The following NEK7 variants were observed in gnomAD, a reference collection of about 807,000 sequenced individuals.
The protein encoded by NEK7 is NIMA related kinase 7.
In NEK7, 18 loss-of-function variants were observed where a neutral mutation model predicts 44.6. The ratio of observed to expected loss-of-function variants is 0.40; its 90% CI spans 0.28 to 0.60. NEK7 has a LOEUF of 0.60. Among genes scored for constraint, NEK7 ranks in the 20% least tolerant of loss-of-function variants. The pLI, the probability that NEK7 is intolerant of heterozygous loss-of-function variation, is 0.38. For synonymous variants in NEK7, 130 were observed against 121.1 expected, an observed-to-expected ratio of 1.07 and a Z score of -0.48; for missense variants, 256 against 366.5, an observed-to-expected ratio of 0.70 and a Z score of 2.46.
intron 1 of NEK7, among the ~76,000 whole-genome samples, chr1:198,191,434 C>T (rs139913250): frequency 2.5e-3 from 380 of 151,884 alleles, no homozygotes; most frequent in Non-Finnish European, 4.4e-3. Context: ...TTCATATGCT[C>T]TTCTACAAAT....
intron 2 of NEK7, among the ~76,000 whole-genome samples, chr1:198,251,838 A>G (rs1260377082): frequency 6.6e-6 from 1 of 152,022 alleles, no homozygotes; most frequent in Non-Finnish European, 1.5e-5. Flanking sequence ...TCCTGGATTC[A>G]TTAATTTTTT....
chr1:198,278,091 CT>C (rs1558091442), intron 6 of NEK7, 22 bp downstream of exon 6: 1 of 1,235,906 alleles, frequency 8.1e-7, no homozygotes, highest in South Asian at 1.2e-5. Context: ...TCATTAAGTA[CT>C]TTTAATCTTG....
In NEK7 at chr1:198,198,722, T is replaced by C. The variant is rs746059975; in HGVS notation, c.-28-33831T>C. Among the ~76,000 whole-genome samples the C allele has an allele frequency of 2.0e-5, 3 of 152,240 alleles. 1 individual carries two copies. Among genetic ancestry groups the C allele is most frequent in the Admixed American group, 6.5e-5 (1 of 15,286 alleles). ...TGAGGAAGATGAGAATCTCTTTCCGTTCTCCACAGAGGCTTTTTAACCTTT... is the reference window on the plus strand; with the variant it reads ...TGAGGAAGATGAGAATCTCTTTCCGCTCTCCACAGAGGCTTTTTAACCTTT... On this transcript the variant is annotated intron_variant, in intron 1 of 9. Transcript: ENST00000367385.
chr1:198,157,809 A>C (rs1663960885), intron 1 of NEK7, among the ~76,000 whole-genome samples: 1 of 152,162 alleles, frequency 6.6e-6, no homozygotes, highest in Non-Finnish European at 1.5e-5. Flanking sequence ...GGAGCGTGAG[A>C]GGTCTGTCGG....
At chr1:198,310,804 GT>G (rs1338935368) in intron 9 of NEK7, among the ~76,000 whole-genome samples, 2 of 152,140 alleles carry the variant, frequency 1.3e-5, no homozygotes, top group African/African-American at 4.8e-5. Context: ...CTATATCTCT[GT>G]TTTGGACCAC....
rs746820645 is a variant in NEK7 at position 198,321,778 on chromosome 1, T to G, written c.*2256T>G. ...TAATTTCAAAGAACTATGAAGATGA[T>G]TTGAAGCTCTAATTTATATAGTCAC... is the stretch of plus-strand genomic sequence containing the variant. On this transcript the variant is annotated 3_prime_UTR_variant, in exon 10 of 10. Transcript: ENST00000367385. 1 of 152,176 alleles carries G rather than the reference T, an allele frequency of 6.6e-6. No homozygotes were observed. Among genetic ancestry groups the G allele is most frequent in the East Asian group, 1.9e-4 (1 of 5,198 alleles). The allele number at this position is 152,176 out of a possible 1,614,324, so 9.4% of individuals were successfully genotyped here.
chr1:198,188,237 AAC>A (rs1215201080), intron 1 of NEK7, among the ~76,000 whole-genome samples: 1 of 152,186 alleles, frequency 6.6e-6, no homozygotes, highest in Non-Finnish European at 1.5e-5. Flanking sequence ...TGCAAGGGGT[AAC>A]ACAGTTTTAG....
In NEK7 at chr1:198,250,915, A is replaced by G. The variant is rs554861666; in HGVS notation, c.58-2125A>G. On this transcript the variant is annotated intron_variant, in intron 2 of 9. Transcript: ENST00000367385. ...TGCCCTGGCCAGTGCTTCCAACACT[A>G]TGTTGAATATGAGTGGTGAGAGTGG... Among the ~76,000 whole-genome samples, 8 of 152,194 alleles carry G rather than the reference A, an allele frequency of 5.3e-5. No homozygotes were observed. The South Asian group carries it at 1.2e-3, about 24-fold the overall frequency.
chr1:198,244,824 AC>A (rs780365489), intron 2 of NEK7, among the ~76,000 whole-genome samples: 11 of 151,974 alleles, frequency 7.2e-5, no homozygotes, highest in South Asian at 2.1e-4. Flanking sequence ...GAAAAAAAAA[AC>A]CCCCACTTTG....
intron 9 of NEK7, among the ~76,000 whole-genome samples, chr1:198,309,360 G>A (rs1339268579): frequency 6.6e-6 from 1 of 151,992 alleles, no homozygotes; most frequent in Non-Finnish European, 1.5e-5. Flanking sequence ...GGAGTTTGGG[G>A]CTAAATAGGA....
chr1:198,270,067 G>C (rs1186922164), intron 5 of NEK7, among the ~76,000 whole-genome samples: 1 of 151,804 alleles, frequency 6.6e-6, no homozygotes, highest in Non-Finnish European at 1.5e-5. Flanking sequence ...CTATTCTAAT[G>C]TCAAGAAACA....
chr1:198,259,251 A>G (rs1321413175), intron 3 of NEK7, among the ~76,000 whole-genome samples: 1 of 152,118 alleles, frequency 6.6e-6, no homozygotes, highest in African/African-American at 2.4e-5. Flanking sequence ...GGTTTCCTAA[A>G]ACTCTTATAC....
intron 1 of NEK7, among the ~76,000 whole-genome samples, chr1:198,181,045 T>A (rs1664751807): frequency 6.6e-6 from 1 of 152,066 alleles, no homozygotes; most frequent in Non-Finnish European, 1.5e-5. Context: ...CCTATTAACT[T>A]TAAACACATG....
chr1:198,186,027 C>T (rs754843440), intron 1 of NEK7, among the ~76,000 whole-genome samples: 2 of 152,080 alleles, frequency 1.3e-5, no homozygotes, highest in Non-Finnish European at 2.9e-5. Flanking sequence ...AATCTTATCT[C>T]GAAGGAGCTA....
chr1:198,207,498 A>G lies in NEK7; in HGVS notation c.-28-25055A>G, dbSNP rs918954550. On this transcript the variant is annotated intron_variant, in intron 1 of 9. Coordinates refer to ENST00000367385, the MANE Select transcript of NEK7 (RefSeq NM_133494.3). ...TCAGTTGGAGAATGAATATTGAGAT[A>G]CGTCCATTCAATGGAGTAGTACTCA... Among the ~76,000 whole-genome samples the G allele has an allele frequency of 6.6e-4, 101 of 152,212 alleles. 2 individuals carry two copies. Among genetic ancestry groups the G allele is most frequent in the Admixed American group, 6.1e-3 (93 of 15,284 alleles).
At chr1:198,259,946 A>T (rs1019967380) in intron 3 of NEK7, among the ~76,000 whole-genome samples, 2 of 152,122 alleles carry the variant, frequency 1.3e-5, no homozygotes, top group African/African-American at 4.8e-5. Context: ...AACAAGTAGC[A>T]CTTACAAGTT....
intron 2 of NEK7, among the ~76,000 whole-genome samples, chr1:198,241,319 T>A (rs1666679317): frequency 6.6e-6 from 1 of 152,238 alleles, no homozygotes; most frequent in Non-Finnish European, 1.5e-5. Flanking sequence ...AAATTTGATG[T>A]TTTTCTTGTC....
At chr1:198,244,287 A>G (rs1464763881) in intron 2 of NEK7, among the ~76,000 whole-genome samples, 1 of 152,106 alleles carries the variant, frequency 6.6e-6, no homozygotes, top group Non-Finnish European at 1.5e-5. Context: ...ATCAGTACAT[A>G]ATTTTCTCTC....
chr1:198,321,373 T>C lies in NEK7; in HGVS notation c.*1851T>C, dbSNP rs1370974245. 1.3e-5 allele frequency: 2 copies of C among 152,174 alleles called. No individual in the cohort carries two copies. Among genetic ancestry groups the C allele is most frequent in the Non-Finnish European group, 2.9e-5 (2 of 68,006 alleles). The allele number at this position is 152,174 out of a possible 1,614,324, so 9.4% of individuals were successfully genotyped here. Reference sequence around the variant, plus strand: ...CATTTATACTGAGCATCCATAGATATATTCCTAGAAGTATGAGAAGAATTA... The same window carrying C: ...CATTTATACTGAGCATCCATAGATACATTCCTAGAAGTATGAGAAGAATTA... On this transcript the variant is annotated 3_prime_UTR_variant, in exon 10 of 10. Coordinates refer to ENST00000367385, the MANE Select transcript of NEK7 (RefSeq NM_133494.3).
Sources: allele counts gnomAD v4.1 joint callset (sites outside exome capture counted in the v4.1 genomes callset), GRCh38; gene constraint gnomAD v4.1.1; transcripts MANE v1.5; gene names NCBI Gene and HGNC (gene_info 2026-07-23, HGNC 2026-07-21).